ARHGAP20: variants seen among roughly 807,000 people sequenced by gnomAD.
ARHGAP20 encodes Rho GTPase activating protein 20.
A neutral mutation model predicts 73.7 loss-of-function variants in ARHGAP20; 34 were observed. The observed-to-expected ratio is 0.46, with a 90% confidence interval of 0.35 to 0.61. The LOEUF is 0.61. Among genes scored for constraint, ARHGAP20 ranks in the 20% least tolerant of loss-of-function variants. The pLI is 0.00. For missense variants in ARHGAP20, 1,314 were observed against 1,420.9 expected (o/e 0.92, Z 1.21); for synonymous variants, 523 against 518.2 (o/e 1.01, Z -0.13).
chr11:110,624,014 T>C (rs1015166009), intron 4 of ARHGAP20, 148 bp downstream of exon 4: 2 of 1,102,188 alleles, frequency 1.8e-6, no homozygotes, highest in African/African-American at 1.6e-5. Flanking sequence ...TGTCAACAGA[T>C]GAGTTATTGA....
chr11:110,584,418 G>GTT (rs765253941), intron 12 of ARHGAP20, among the ~76,000 whole-genome samples: 11 of 141,148 alleles, frequency 7.8e-5, no homozygotes, highest in South Asian at 2.3e-4. Context: ...ATTCATGACT[G>GTT]TTTTTTTTTT....
At chr11:110,643,694 T>C (rs1209190545) in intron 2 of ARHGAP20, among the ~76,000 whole-genome samples, 1 of 152,058 alleles carries the variant, frequency 6.6e-6, no homozygotes, top group Non-Finnish European at 1.5e-5. Flanking sequence ...GTGGTCAATC[T>C]TAGATAATGT....
At chr11:110,623,963 G>A (rs1307436381) in intron 4 of ARHGAP20, among the ~76,000 whole-genome samples, 199 bp downstream of exon 4, 2 of 152,158 alleles carry the variant, frequency 1.3e-5, no homozygotes, top group African/African-American at 4.8e-5. Flanking sequence ...AAGCCCATTG[G>A]GAGAAATACA....
intron 2 of ARHGAP20, among the ~76,000 whole-genome samples, chr11:110,663,595 A>C (rs1021426228): frequency 1.3e-5 from 2 of 152,076 alleles, no homozygotes; most frequent in African/African-American, 4.8e-5. Context: ...TATTTAGTTA[A>C]AGCCTTCCCA....
intron 1 of ARHGAP20, among the ~76,000 whole-genome samples, chr11:110,701,342 G>A (rs1363662557): frequency 6.6e-6 from 1 of 151,368 alleles, no homozygotes; most frequent in Non-Finnish European, 1.5e-5. Context: ...GCCAGTGATG[G>A]TGAGCATTTT....
chr11:110,709,216 T>C (rs1384082680), intron 1 of ARHGAP20, among the ~76,000 whole-genome samples: 5 of 152,196 alleles, frequency 3.3e-5, no homozygotes, highest in African/African-American at 1.2e-4. Flanking sequence ...ACCTTAAATA[T>C]TTAGTATCTG....
intron 4 of ARHGAP20, among the ~76,000 whole-genome samples, chr11:110,619,542 A>G: frequency 6.6e-6 from 1 of 151,162 alleles, no homozygotes; most frequent in Non-Finnish European, 1.5e-5. Flanking sequence ...ATATGCAGTG[A>G]TAGAGTATAT....
chr11:110,628,276 A>G (rs1038797647), intron 3 of ARHGAP20, among the ~76,000 whole-genome samples: 1 of 152,170 alleles, frequency 6.6e-6, no homozygotes, highest in East Asian at 1.9e-4. Flanking sequence ...ATTTCAGATT[A>G]TTTCAACAAA....
rs1947363503 is a variant in ARHGAP20, at chr11:110,579,115, C to T, written c.*255G>A. ...TTTCTCTAGCCCTCTGTTAGTATCT[C>T]TAAAACCACATGACAGGACCAATCC... is the stretch of plus-strand genomic sequence containing the variant. On this transcript the variant is annotated 3_prime_UTR_variant, in exon 15 of 15. Coordinates refer to ENST00000683387, the MANE Select transcript of ARHGAP20 (RefSeq NM_001384657.1). 1 of 1,112,192 alleles carries T rather than the reference C, an allele frequency of 9.0e-7. No individual in the cohort carries two copies. Among genetic ancestry groups the T allele is most frequent in the African/African-American group, 1.6e-5 (1 of 62,706 alleles). The allele number at this position is 1,112,192 out of a possible 1,614,324, so 68.9% of individuals were successfully genotyped here.
intron 2 of ARHGAP20, among the ~76,000 whole-genome samples, chr11:110,666,835 G>A (rs903603526): frequency 2.0e-5 from 3 of 152,170 alleles, no homozygotes; most frequent in African/African-American, 4.8e-5. Flanking sequence ...TGATAAGAAC[G>A]TGATATAGCC....
chr11:110,620,290 C>T (rs1454617898), intron 4 of ARHGAP20, among the ~76,000 whole-genome samples: 1 of 152,118 alleles, frequency 6.6e-6, no homozygotes, highest in Non-Finnish European at 1.5e-5. Flanking sequence ...GCTGGGACTA[C>T]AGGTGTATGC....
intron 9 of ARHGAP20, among the ~76,000 whole-genome samples, chr11:110,601,210 C>T (rs1368369947): frequency 6.6e-6 from 1 of 152,146 alleles, no homozygotes; most frequent in Non-Finnish European, 1.5e-5. Flanking sequence ...TTTAAATATA[C>T]AGGCCACAAA....
At chr11:110,601,863 G>A (rs759830213) in intron 9 of ARHGAP20, among the ~76,000 whole-genome samples, 5 of 151,832 alleles carry the variant, frequency 3.3e-5, no homozygotes, top group African/African-American at 4.8e-5. Context: ...GGTGGCAGGC[G>A]CCTGTAATCC....
At chr11:110,711,517 G>A (rs1950655360) in intron 1 of ARHGAP20, 2 of 1,152,946 alleles carry the variant, frequency 1.7e-6, no homozygotes, top group Non-Finnish European at 2.3e-6. Flanking sequence ...CCCCCACCTG[G>A]GAGACCCGGA....
rs1469576843 is a variant in ARHGAP20 at position 110,624,327 on chromosome 11, C to A, written c.354-16G>T. On this transcript the variant is annotated splice_polypyrimidine_tract_variant and intron_variant, in intron 3 of 14. Transcript: ENST00000683387. ...ATTGTTATATCTAGAAAGATAAAAA[C>A]CAAACAGAACCTTTTGTTATTTTGT... The A allele has an allele frequency of 1.3e-6, 2 of 1,510,122 alleles. No individual in the cohort carries two copies. Among genetic ancestry groups the A allele is most frequent in the African/African-American group, 2.9e-5 (2 of 69,732 alleles). The allele number at this position is 1,510,122 out of a possible 1,614,324, so 93.5% of individuals were successfully genotyped here.
Position 110,579,491 on chromosome 11 carries a change from C to A in ARHGAP20, c.3455G>T (p.Gly1152Val), listed in dbSNP as rs1214917509. The A allele has an allele frequency of 5.6e-6, 9 of 1,614,010 alleles. No homozygotes were observed. In the East Asian group the frequency reaches 1.6e-4, roughly 28 times the overall value. ...TGAGGCTCTTTCCCAAGGCAGAGAA[C>A]CAGAAGAGCTCTGACTACCAGGCTC... ...EIEPGSQSSS[G>V]SLPWERASAS... is the part of the protein sequence containing the mutation. The change falls in exon 15 of 15, where the codon GGT becomes GTT. Residue 1152 changes from glycine (G) to valine (V), a missense_variant. Physicochemically the swap from Gly to Val is moderately radical, Grantham distance 109. This residue lies in a region of ARHGAP20 where 641 missense variants were observed against 636.9 expected (regional missense o/e 1.01). Transcript: ENST00000683387.
chr11:110,675,496 G>A (rs1949912163), intron 2 of ARHGAP20, among the ~76,000 whole-genome samples: 1 of 152,178 alleles, frequency 6.6e-6, no homozygotes, highest in African/African-American at 2.4e-5. Flanking sequence ...GTGGGGAGTT[G>A]TGGAGGAGGA....
intron 11 of ARHGAP20, among the ~76,000 whole-genome samples, chr11:110,587,893 C>T (rs7938777): frequency 6.6e-6 from 1 of 152,086 alleles, no homozygotes; most frequent in African/African-American, 2.4e-5. Flanking sequence ...AAAGTTACCT[C>T]TTTTTGGGTA....
At chr11:110,600,397 C>T (rs1312304925) in intron 9 of ARHGAP20, among the ~76,000 whole-genome samples, 3 of 152,216 alleles carry the variant, frequency 2.0e-5, no homozygotes, top group Non-Finnish European at 2.9e-5. Context: ...TGGCTGCAGC[C>T]TCACAGACAG....
Sources: allele counts gnomAD v4.1 joint callset (sites outside exome capture counted in the v4.1 genomes callset), GRCh38; gene constraint gnomAD v4.1.1; regional missense constraint gnomAD v4.1.1; transcripts MANE v1.5; gene names NCBI Gene and HGNC (gene_info 2026-07-23, HGNC 2026-07-21).